Variants in HIPK2 observed in about 807,000 individuals in gnomAD.
HIPK2 encodes homeodomain-interacting protein kinase 2.
HIPK2 carries 27 observed loss-of-function variants against 113.7 expected under a neutral mutation model. That is an observed-to-expected ratio of 0.24 (90% CI 0.17 to 0.33). HIPK2 has a LOEUF of 0.33. HIPK2 is among the 10% of genes least tolerant of loss of function. HIPK2 has a pLI of 1.00. For synonymous variants in HIPK2, 631 were observed against 642.2 expected, an observed-to-expected ratio of 0.98 and a Z score of 0.26; for missense variants, 1,257 against 1,588.0, an observed-to-expected ratio of 0.79 and a Z score of 3.54.
At chr7:139,761,437 G>C (rs551487903) in intron 1 of HIPK2, among the ~76,000 whole-genome samples, 1 of 152,296 alleles carries the variant, frequency 6.6e-6, no homozygotes, top group East Asian at 1.9e-4. Flanking sequence ...CCCAGTAGTG[G>C]GCCTTTTTAG....
intron 1 of HIPK2, among the ~76,000 whole-genome samples, chr7:139,741,086 G>A (rs1189508984): frequency 2.0e-5 from 3 of 152,184 alleles, no homozygotes; most frequent in African/African-American, 7.2e-5. Flanking sequence ...GGCAGAGGCT[G>A]CAGTGAGCTG....
intron 2 of HIPK2, among the ~76,000 whole-genome samples, chr7:139,646,695 T>C (rs1801242662): frequency 6.6e-6 from 1 of 152,182 alleles, no homozygotes; most frequent in Non-Finnish European, 1.5e-5. Context: ...CATTTTGTTC[T>C]CGTGAGCCCC....
At chr7:139,696,017 A>G (rs1290043827) in intron 2 of HIPK2, among the ~76,000 whole-genome samples, 1 of 152,230 alleles carries the variant, frequency 6.6e-6, no homozygotes, top group African/African-American at 2.4e-5. Context: ...CATTCTAATC[A>G]ATGTTTAAGA....
At chr7:139,762,095 G>C (rs766694843) in intron 1 of HIPK2, among the ~76,000 whole-genome samples, 1 of 152,184 alleles carries the variant, frequency 6.6e-6, no homozygotes, top group Admixed American at 6.5e-5. Context: ...ATCTACAGAA[G>C]GTCATCTTAG....
Position 139,565,846 on chromosome 7 carries a change from G to T in HIPK2, c.*7081C>A, listed in dbSNP as rs1798076124. ...AGCTGAAGAGTGAATCTATTACAGA[G>T]ATCAGAGCTGTCAGGATAATTATCA... On this transcript the variant is annotated 3_prime_UTR_variant, in exon 15 of 15. Coordinates refer to ENST00000406875, the MANE Select transcript of HIPK2 (RefSeq NM_022740.5). The T allele has an allele frequency of 6.6e-6, 1 of 151,614 alleles. No homozygotes were observed. Among genetic ancestry groups the T allele is most frequent in the South Asian group, 2.1e-4 (1 of 4,816 alleles). 9.4% of individuals were successfully genotyped at this position (151,614 alleles called of 1,614,324 possible).
intron 2 of HIPK2, among the ~76,000 whole-genome samples, chr7:139,707,270 C>T (rs1298596976): frequency 6.6e-6 from 1 of 152,264 alleles, no homozygotes; most frequent in Non-Finnish European, 1.5e-5. Context: ...TGTAACAGCA[C>T]CATCTCAATC....
chr7:139,660,689 C>A (rs537043664), intron 2 of HIPK2, among the ~76,000 whole-genome samples: 2 of 152,220 alleles, frequency 1.3e-5, no homozygotes, highest in Non-Finnish European at 2.9e-5. Context: ...CTGATATTCA[C>A]AGTCCTTGAG....
intron 2 of HIPK2, among the ~76,000 whole-genome samples, chr7:139,646,848 A>G (rs1446781165): frequency 1.3e-5 from 2 of 151,772 alleles, no homozygotes; most frequent in East Asian, 1.9e-4. Flanking sequence ...CAGAGAAGAA[A>G]GAGTGAGGGG....
At chr7:139,762,363 T>C (rs7798740) in intron 1 of HIPK2, among the ~76,000 whole-genome samples, 17,211 of 152,254 alleles carry the variant, frequency 0.11, 1,171 homozygotes, top group Non-Finnish European at 0.16. Context: ...AGAGGGGTGC[T>C]GAAATGCCTC....
chr7:139,616,415 G>C (rs1800045044), intron 7 of HIPK2, among the ~76,000 whole-genome samples: 2 of 152,162 alleles, frequency 1.3e-5, no homozygotes, highest in Non-Finnish European at 2.9e-5. Flanking sequence ...GCCTGGTCTA[G>C]TGCCCTGTTT....
chr7:139,717,262 G>A (rs1795276245), intron 1 of HIPK2, among the ~76,000 whole-genome samples: 1 of 152,212 alleles, frequency 6.6e-6, no homozygotes, highest in South Asian at 2.1e-4. Flanking sequence ...CTGAGACTCA[G>A]AAACAGAATT....
chr7:139,705,277 C>G (rs541939103), intron 2 of HIPK2, among the ~76,000 whole-genome samples: 1 of 152,322 alleles, frequency 6.6e-6, no homozygotes, highest in African/African-American at 2.4e-5. Context: ...GTGTGCCAGG[C>G]ATGGCAGAGG....
intron 6 of HIPK2, among the ~76,000 whole-genome samples, chr7:139,621,035 G>A (rs1329718388): frequency 6.6e-6 from 1 of 152,200 alleles, no homozygotes; most frequent in African/African-American, 2.4e-5. Flanking sequence ...GCACCACCTA[G>A]GGGACGGCCA....
At chr7:139,729,068 A>G (rs987503261) in intron 1 of HIPK2, among the ~76,000 whole-genome samples, 3 of 152,174 alleles carry the variant, frequency 2.0e-5, no homozygotes, top group Non-Finnish European at 4.4e-5. Flanking sequence ...TCACACCTGT[A>G]ATTCCAATGC....
chr7:139,732,819 A>ATGTGTGTGTGTG (rs71170913), intron 1 of HIPK2, among the ~76,000 whole-genome samples: 1 of 144,994 alleles, frequency 6.9e-6, no homozygotes, highest in African/African-American at 2.6e-5. Flanking sequence ...TTATATATAT[A>ATGTGTGTGTGTG]TGTGTGTGTG....
intron 14 of HIPK2, among the ~76,000 whole-genome samples, 182 bp from the exon 15 acceptor site, chr7:139,573,579 C>T (rs938090109): frequency 1.3e-5 from 2 of 152,092 alleles, no homozygotes; most frequent in Admixed American, 6.5e-5. Flanking sequence ...CAGTGGCTCA[C>T]GCCTGTAATC....
At chr7:139,601,324 A>C (rs1404307388) in intron 10 of HIPK2, among the ~76,000 whole-genome samples, 2 of 152,202 alleles carry the variant, frequency 1.3e-5, no homozygotes, top group Non-Finnish European at 2.9e-5. Flanking sequence ...CAGTGTCTTC[A>C]ATGGGTTATT....
At chr7:139,684,050 T>A (rs899944158) in intron 2 of HIPK2, among the ~76,000 whole-genome samples, 1 of 152,170 alleles carries the variant, frequency 6.6e-6, no homozygotes, top group Non-Finnish European at 1.5e-5. Flanking sequence ...GCTCACTTCA[T>A]GTCTCTGTGC....
At chr7:139,758,043 A>C (rs1796390305) in intron 1 of HIPK2, among the ~76,000 whole-genome samples, 1 of 152,238 alleles carries the variant, frequency 6.6e-6, no homozygotes, top group African/African-American at 2.4e-5. Flanking sequence ...TTTGACGGGA[A>C]GACTCAACCT....
Sources: gnomAD v4.1 joint callset for allele counts (sites outside exome capture counted in the v4.1 genomes callset) on GRCh38, gnomAD v4.1.1 for gene constraint, MANE v1.5 for transcripts, NCBI Gene and HGNC (gene_info 2026-07-23, HGNC 2026-07-21) for gene names.